The following SHISA6 variants were observed in gnomAD, a reference collection of about 807,000 sequenced individuals.
SHISA6 encodes shisa family member 6.
SHISA6 carries 22 observed loss-of-function variants against 47.9 expected under a neutral mutation model. The ratio of observed to expected loss-of-function variants is 0.46; its 90% CI spans 0.33 to 0.66. The LOEUF is 0.66. Among genes scored for constraint, SHISA6 ranks in the 30% least tolerant of loss-of-function variants. The pLI is 0.02. For synonymous variants in SHISA6, 388 were observed against 337.8 expected (o/e 1.15, Z -1.63); for missense variants, 680 against 764.6 (o/e 0.89, Z 1.30).
At chr17:11,493,758 T>C (rs552062668) in intron 3 of SHISA6, among the ~76,000 whole-genome samples, 1 of 152,312 alleles carries the variant, frequency 6.6e-6, no homozygotes, top group South Asian at 2.1e-4. Context: ...CTTCCAACTC[T>C]ACAGAGCTGA....
chr17:11,491,770 G>GTTT (rs1297841489), intron 3 of SHISA6, among the ~76,000 whole-genome samples: 10 of 135,260 alleles, frequency 7.4e-5, no homozygotes, highest in African/African-American at 2.3e-4. Flanking sequence ...CTGGTGAAGT[G>GTTT]TTTTTTTTTT....
intron 3 of SHISA6, among the ~76,000 whole-genome samples, chr17:11,447,451 C>T (rs911945621): frequency 6.6e-6 from 1 of 152,150 alleles, no homozygotes; most frequent in African/African-American, 2.4e-5. Context: ...CCACAGCTTC[C>T]CGGAACTGGC....
At chr17:11,362,307 T>C (rs1289798907) in intron 2 of SHISA6, among the ~76,000 whole-genome samples, 1 of 152,082 alleles carries the variant, frequency 6.6e-6, no homozygotes, top group African/African-American at 2.4e-5. Flanking sequence ...ACTCAGCTAA[T>C]TTCTTTAAGT....
At chr17:11,444,403 C>T (rs1208160224) in intron 3 of SHISA6, among the ~76,000 whole-genome samples, 1 of 152,096 alleles carries the variant, frequency 6.6e-6, no homozygotes, top group Non-Finnish European at 1.5e-5. Context: ...TGAAAACACC[C>T]ATAAGGAATT....
At chr17:11,254,895 A>C (rs761503082) in intron 1 of SHISA6, among the ~76,000 whole-genome samples, 1 of 152,236 alleles carries the variant, frequency 6.6e-6, no homozygotes, top group African/African-American at 2.4e-5. Context: ...GAGGCTGTCC[A>C]CCCAGAAATG....
intron 2 of SHISA6, among the ~76,000 whole-genome samples, chr17:11,273,459 C>T (rs1908757662): frequency 6.6e-6 from 1 of 152,210 alleles, no homozygotes; most frequent in African/African-American, 2.4e-5. Context: ...CCAGGTCGGA[C>T]CACCTTGCCA....
chr17:11,382,854 A>G (rs1363625317), intron 3 of SHISA6, among the ~76,000 whole-genome samples: 2 of 151,346 alleles, frequency 1.3e-5, no homozygotes, highest in African/African-American at 4.8e-5. Context: ...CCAAGAGCCA[A>G]GAATGGATGG....
chr17:11,297,229 G>C (rs532709893), intron 2 of SHISA6, among the ~76,000 whole-genome samples: 2 of 152,176 alleles, frequency 1.3e-5, no homozygotes, highest in Non-Finnish European at 2.9e-5. Flanking sequence ...GAGATGGAGA[G>C]AGGGCATGCA....
chr17:11,499,806 A>G (rs1459761235), intron 3 of SHISA6, among the ~76,000 whole-genome samples: 2 of 150,784 alleles, frequency 1.3e-5, no homozygotes, highest in Non-Finnish European at 1.5e-5. Context: ...GGTTCAAGTG[A>G]TTCTCCTGCC....
intron 3 of SHISA6, among the ~76,000 whole-genome samples, chr17:11,408,429 T>A (rs1355872070): frequency 6.6e-6 from 1 of 152,116 alleles, no homozygotes; most frequent in Non-Finnish European, 1.5e-5. Flanking sequence ...GCCCTCCAGG[T>A]GATTCTGATG....
intron 3 of SHISA6, among the ~76,000 whole-genome samples, chr17:11,517,290 GA>G (rs1433054567): frequency 6.6e-6 from 1 of 152,152 alleles, no homozygotes; most frequent in African/African-American, 2.4e-5. Flanking sequence ...TGTTGCAAGA[GA>G]AAAGGAGCAG....
At chr17:11,472,439 T>A (rs765179270) in intron 3 of SHISA6, among the ~76,000 whole-genome samples, 4 of 152,178 alleles carry the variant, frequency 2.6e-5, no homozygotes, top group Non-Finnish European at 5.9e-5. Flanking sequence ...CCTCAAGTGA[T>A]CCTTCTACCT....
At chr17:11,278,969 C>T (rs1415104174) in intron 2 of SHISA6, among the ~76,000 whole-genome samples, 1 of 152,088 alleles carries the variant, frequency 6.6e-6, no homozygotes, top group East Asian at 1.9e-4. Flanking sequence ...GGGTGCACTT[C>T]GGGGCCATTT....
At chr17:11,411,104 G>A (rs958959260) in intron 3 of SHISA6, among the ~76,000 whole-genome samples, 1 of 151,776 alleles carries the variant, frequency 6.6e-6, no homozygotes, top group Admixed American at 6.6e-5. Flanking sequence ...GAGTAGCTGG[G>A]ACTACAGGCG....
intron 2 of SHISA6, among the ~76,000 whole-genome samples, chr17:11,314,262 T>C (rs1910431612): frequency 6.6e-6 from 1 of 152,344 alleles, no homozygotes; most frequent in South Asian, 2.1e-4. Context: ...TTCATGAAGT[T>C]GGGTTTGTTC....
chr17:11,385,181 TAAAA>T, intron 3 of SHISA6, among the ~76,000 whole-genome samples: 1 of 151,298 alleles, frequency 6.6e-6, no homozygotes, highest in Non-Finnish European at 1.5e-5. Flanking sequence ...TTAGGAAAAA[TAAAA>T]AAAGAAGTGA....
At chr17:11,507,087 A>C (rs922078832) in intron 3 of SHISA6, among the ~76,000 whole-genome samples, 1 of 152,144 alleles carries the variant, frequency 6.6e-6, no homozygotes, top group Non-Finnish European at 1.5e-5. Context: ...GGCCTGTCCT[A>C]CCCTCAGTTT....
At chr17:11,269,215 C>T (rs772508503) in intron 2 of SHISA6, among the ~76,000 whole-genome samples, 15 of 151,976 alleles carry the variant, frequency 9.9e-5, no homozygotes, top group Admixed American at 2.6e-4. Context: ...TTAATCTTTG[C>T]ATTTTTAGTA....
Position 11,369,022 on chromosome 17 carries a change from T to C in SHISA6, c.800-10392T>C, listed in dbSNP as rs1912542640. Reference sequence around the variant, plus strand: ...CGAGGCACCATTCCCATTTTACAGATGAAGATAATTTAGAAAGCATGAATG... The same window carrying C: ...CGAGGCACCATTCCCATTTTACAGACGAAGATAATTTAGAAAGCATGAATG... On this transcript the variant is annotated intron_variant, in intron 2 of 5. Coordinates refer to ENST00000441885, the MANE Select transcript of SHISA6 (RefSeq NM_207386.4). Among the ~76,000 whole-genome samples, 4 of 152,156 alleles carry C rather than the reference T, an allele frequency of 2.6e-5. No individual in the cohort carries two copies. In the South Asian group the frequency reaches 8.3e-4, roughly 32 times the overall value.
Sources: allele counts gnomAD v4.1 joint callset (sites outside exome capture counted in the v4.1 genomes callset), GRCh38; gene constraint gnomAD v4.1.1; transcripts MANE v1.5; gene names NCBI Gene and HGNC (gene_info 2026-07-23, HGNC 2026-07-21).